The following CSMD1 variants were observed in gnomAD, a reference collection of about 807,000 sequenced individuals.
CSMD1 encodes the protein CUB and Sushi multiple domains 1, also known as CUB and sushi domain-containing protein 1.
CSMD1 carries 213 observed loss-of-function variants against 417.5 expected under a neutral mutation model. The observed-to-expected ratio is 0.51, with a 90% CI of 0.46 to 0.57. The LOEUF (loss-of-function observed/expected upper bound fraction) is 0.57. Among genes scored for constraint, CSMD1 ranks in the 20% least tolerant of loss-of-function variants. The pLI, the probability that CSMD1 is intolerant of heterozygous loss-of-function variation, is 0.00. For missense variants in CSMD1, 6,923 were observed against 4,529.7 expected (o/e 1.53, Z -15.17); for synonymous variants, 2,862 against 1,736.8 (o/e 1.65, Z -16.11).
chr8:3,518,792 G>A lies in CSMD1; in HGVS notation c.1345-25066C>T, dbSNP rs145422123. On this transcript the variant is annotated intron_variant, in intron 10 of 69. Coordinates refer to ENST00000635120, the MANE Select transcript of CSMD1 (RefSeq NM_033225.6). ...GTTTGTTAGAATTAATTACTAGATG[G>A]AACTAGACACCATGCAAACTTTCTA... 1.2e-3 allele frequency among the ~76,000 whole-genome samples: 180 copies of A among 152,144 alleles called. No individual in the cohort carries two copies. The East Asian group carries it at 0.031, about 26-fold the overall frequency.
intron 17 of CSMD1, among the ~76,000 whole-genome samples, chr8:3,395,967 T>C (rs1811665138): frequency 6.6e-6 from 1 of 152,194 alleles, no homozygotes; most frequent in Non-Finnish European, 1.5e-5. Flanking sequence ...TTATTTTACT[T>C]TGTCATACGC....
intron 31 of CSMD1, among the ~76,000 whole-genome samples, chr8:3,202,968 C>T (rs978599282): frequency 2.6e-5 from 4 of 152,158 alleles, no homozygotes; most frequent in African/African-American, 9.7e-5. Context: ...AATTTCTCTA[C>T]AGATCTTGCT....
chr8:3,309,215 G>A (rs932386484), intron 23 of CSMD1, among the ~76,000 whole-genome samples: 2 of 152,110 alleles, frequency 1.3e-5, no homozygotes, highest in Non-Finnish European at 2.9e-5. Flanking sequence ...CACTGCCAGG[G>A]TGCTTTGCAG....
chr8:4,580,191 C>G (rs995583527), intron 2 of CSMD1, among the ~76,000 whole-genome samples: 4 of 152,200 alleles, frequency 2.6e-5, no homozygotes, highest in African/African-American at 9.6e-5. Flanking sequence ...TTCATGGAAT[C>G]TAGCCTGAGC....
chr8:4,348,611 G>A (rs570578165), intron 3 of CSMD1, among the ~76,000 whole-genome samples: 1 of 146,898 alleles, frequency 6.8e-6, no homozygotes. Context: ...GGGTGTGTTG[G>A]GGGTGGGGGA....
intron 1 of CSMD1, among the ~76,000 whole-genome samples, chr8:4,659,616 G>T (rs544145325): frequency 6.6e-6 from 1 of 152,092 alleles, no homozygotes; most frequent in African/African-American, 2.4e-5. Context: ...ACAGATTGGT[G>T]ATTGCCAGAG....
At chr8:3,090,675 G>A (rs1814879867) in intron 48 of CSMD1, among the ~76,000 whole-genome samples, 1 of 152,160 alleles carries the variant, frequency 6.6e-6, no homozygotes, top group African/African-American at 2.4e-5. Context: ...AGCACATATT[G>A]TTCACTTCCC....
intron 3 of CSMD1, among the ~76,000 whole-genome samples, chr8:4,124,020 T>G (rs1026768650): frequency 1.3e-5 from 2 of 150,178 alleles, no homozygotes. Context: ...ATTATCTAAC[T>G]TTTTTTTTTC....
intron 5 of CSMD1, among the ~76,000 whole-genome samples, chr8:3,896,702 G>T (rs1807393383): frequency 6.6e-6 from 1 of 151,752 alleles, no homozygotes; most frequent in South Asian, 2.1e-4. Context: ...ATTGGAGACG[G>T]GATTTCACCA....
chr8:3,841,100 G>C (rs1184430854), intron 5 of CSMD1, among the ~76,000 whole-genome samples: 1 of 152,002 alleles, frequency 6.6e-6, no homozygotes, highest in Non-Finnish European at 1.5e-5. Context: ...GTATTAAATA[G>C]AACTTTTCCA....
chr8:3,135,905 T>A (rs1216352821), intron 41 of CSMD1, among the ~76,000 whole-genome samples: 1 of 152,054 alleles, frequency 6.6e-6, no homozygotes, highest in Non-Finnish European at 1.5e-5. Flanking sequence ...CCATGTGTAT[T>A]AGGGCAGAAA....
intron 2 of CSMD1, among the ~76,000 whole-genome samples, chr8:4,560,220 A>T (rs1297282214): frequency 6.6e-6 from 1 of 152,232 alleles, no homozygotes; most frequent in Non-Finnish European, 1.5e-5. Flanking sequence ...CAAAGCTAAG[A>T]AGCCATGTTT....
In CSMD1 at chr8:4,965,155, G is replaced by C. The variant is rs188389872; in HGVS notation, c.85+29177C>G. Among the ~76,000 whole-genome samples, 623 of 152,258 alleles carry C rather than the reference G, an allele frequency of 4.1e-3. 6 individuals carry two copies. Among genetic ancestry groups the C allele is most frequent in the African/African-American group, 0.014 (602 of 41,540 alleles). On this transcript the variant is annotated intron_variant, in intron 1 of 69. Transcript: ENST00000635120. The stretch of plus-strand genomic sequence containing the variant: ...AGATACAAGCAAATATTTGTAGATA[G>C]CATACAGATATCATGAGTTATGTAT...
chr8:4,807,531 G>C (rs1798659200), intron 1 of CSMD1, among the ~76,000 whole-genome samples: 1 of 152,158 alleles, frequency 6.6e-6, no homozygotes, highest in South Asian at 2.1e-4. Context: ...CCAGAGAGCA[G>C]GACACCAGTA....
chr8:4,905,327 T>C (rs1257063480), intron 1 of CSMD1, among the ~76,000 whole-genome samples: 3 of 152,134 alleles, frequency 2.0e-5, no homozygotes, highest in Non-Finnish European at 4.4e-5. Flanking sequence ...TCAAGTAATA[T>C]CATAAAGGCT....
chr8:3,466,381 T>G (rs948434257), intron 12 of CSMD1, among the ~76,000 whole-genome samples: 2 of 151,994 alleles, frequency 1.3e-5, no homozygotes, highest in Admixed American at 1.3e-4. Context: ...TAACTCTATG[T>G]GAATATATGC....
chr8:4,185,300 G>C (rs980606549), intron 3 of CSMD1, among the ~76,000 whole-genome samples: 2 of 152,010 alleles, frequency 1.3e-5, no homozygotes, highest in South Asian at 2.1e-4. Context: ...TAATCTTTTT[G>C]TTTTAGGGAC....
intron 17 of CSMD1, among the ~76,000 whole-genome samples, 163 bp from the exon 18 acceptor site, chr8:3,387,845 A>T (rs1450606439): frequency 6.6e-6 from 1 of 152,246 alleles, no homozygotes; most frequent in East Asian, 1.9e-4. Context: ...ATGCATCTTC[A>T]AACATTTGAC....
At chr8:4,072,729 G>A (rs555264751) in intron 3 of CSMD1, among the ~76,000 whole-genome samples, 15 of 152,168 alleles carry the variant, frequency 9.9e-5, no homozygotes, top group Admixed American at 3.3e-4. Flanking sequence ...TGAACAAAGT[G>A]TTTACAACTT....
Sources: allele counts gnomAD v4.1 joint callset (sites outside exome capture counted in the v4.1 genomes callset), GRCh38; gene constraint gnomAD v4.1.1; transcripts MANE v1.5; gene names NCBI Gene and HGNC (gene_info 2026-07-23, HGNC 2026-07-21).